TGM2: variants seen among roughly 807,000 people sequenced by gnomAD.
The protein encoded by TGM2 is protein-glutamine gamma-glutamyltransferase 2.
Under a neutral mutation model 75.6 loss-of-function variants are expected in TGM2, and 53 were observed. That is an observed-to-expected ratio of 0.70 (90% confidence interval 0.56 to 0.88). TGM2 has a LOEUF of 0.88. Ranked by LOEUF, TGM2 falls within the 40% of genes least tolerant of loss-of-function variation. The pLI is 0.00. For missense variants in TGM2, 842 were observed against 928.5 expected, an observed-to-expected ratio of 0.91 and a Z score of 1.21; for synonymous variants, 374 against 381.1, an observed-to-expected ratio of 0.98 and a Z score of 0.22.
chr20:38,164,559 G>T (rs191420667), intron 1 of TGM2, among the ~76,000 whole-genome samples: 53 of 152,272 alleles, frequency 3.5e-4, no homozygotes, highest in African/African-American at 1.3e-3. Flanking sequence ...ACAGATGGGT[G>T]GGGGTCTTGG....
Position 38,132,488 on chromosome 20 carries a change from G to T in TGM2, c.1628C>A (p.Pro543His). 1 of 1,614,142 alleles carries T rather than the reference G, an allele frequency of 6.2e-7. No individual in the cohort carries two copies. The highest frequency in any genetic ancestry group is 2.2e-5 in the East Asian group (1 of 44,868). Residue 543 changes from proline to histidine, a missense_variant, in exon 11 of 13, where the codon CCT becomes CAT. Coordinates refer to ENST00000361475, the MANE Select transcript of TGM2 (RefSeq NM_004613.4). Reference protein sequence around the residue: ...NLEPFSEKSVPLCILYEKYRD... With the variant: ...NLEPFSEKSVHLCILYEKYRD... ...GTATTTCTCATAGAGGATGCAAAGA[G>T]GAACGCTCTTCTCTGCAGAAGGGGA... is the stretch of plus-strand genomic sequence containing the variant.
At chr20:38,149,678 C>CA (rs1199376180) in intron 4 of TGM2, among the ~76,000 whole-genome samples, 2,533 of 39,266 alleles carry the variant, frequency 0.065, 131 homozygotes, top group Non-Finnish European at 0.081. Context: ...GACTCCGCCT[C>CA]AAAAAAAAAA....
At chr20:38,161,717 C>T in intron 1 of TGM2, 118 bp from the exon 2 acceptor site, 1 of 1,259,916 alleles carries the variant, frequency 7.9e-7, no homozygotes, top group Non-Finnish European at 1.1e-6. Flanking sequence ...AAAGCACAGC[C>T]ATTGTTTCGA....
intron 3 of TGM2, among the ~76,000 whole-genome samples, chr20:38,154,828 G>A (rs1040954631): frequency 1.3e-5 from 2 of 148,686 alleles, no homozygotes; most frequent in Non-Finnish European, 1.5e-5. Context: ...CACCTCAGCC[G>A]GGCACGGTGG....
chr20:38,146,793 C>T lies in TGM2; in HGVS notation c.783G>A (p.Leu261=). The T allele has an allele frequency of 1.2e-6, 2 of 1,614,000 alleles. No homozygotes were observed. Among genetic ancestry groups the T allele is most frequent in the Non-Finnish European group, 1.7e-6 (2 of 1,180,000 alleles). Residue 261 remains leucine, a synonymous_variant, in exon 6 of 13, where the codon CTG becomes CTA. Transcript: ENST00000361475. ...PMSWIGSVDI[L]RRWKNHGCQR... The stretch of plus-strand genomic sequence containing the variant: ...GGCAGCCGTGGTTCTTCCAGCGCCG[C>T]AGGATGTCCACGCTGCCGATCCAGG...
intron 5 of TGM2, 30 bp from the exon 6 acceptor site, chr20:38,146,924 A>T: frequency 6.2e-7 from 1 of 1,607,036 alleles, no homozygotes; most frequent in Non-Finnish European, 8.5e-7. Flanking sequence ...ACGGGGACTG[A>T]GCCTGGGATG....
In TGM2 at chr20:38,128,604, TTAA is replaced by T. The variant is rs745798021; in HGVS notation, c.*1612_*1614del. On this transcript the variant is annotated 3_prime_UTR_variant, in exon 13 of 13. Transcript: ENST00000361475. ...TGTATAGAGAAAATATACATGTTGA[TTAA>T]TTGTGTGACTCTTTCCTGTGCAAAG... 4 of 152,208 alleles carry T rather than the reference TTAA, an allele frequency of 2.6e-5. No individual in the cohort carries two copies. The highest frequency in any genetic ancestry group is 6.5e-5 in the Admixed American group (1 of 15,284). The allele number at this position is 152,208 out of a possible 1,614,324, so 9.4% of individuals were successfully genotyped here.
Position 38,141,952 on chromosome 20 carries a change from T to C in TGM2, c.995+112A>G, listed in dbSNP as rs2074979861. ...TTCCCCAAGCCTGCTCAAATACTGC[T>C]GAACTTTTAAGGCCCAATTCAAATG... On this transcript the variant is annotated intron_variant, in intron 7 of 12. Transcript: ENST00000361475. 16 of 1,362,940 alleles carry C rather than the reference T, an allele frequency of 1.2e-5. No individual in the cohort carries two copies. In the East Asian group the frequency reaches 3.7e-4, roughly 32 times the overall value. The allele number at this position is 1,362,940 out of a possible 1,614,324, so 84.4% of individuals were successfully genotyped here.
intron 6 of TGM2, among the ~76,000 whole-genome samples, chr20:38,142,465 C>T (rs765369203): frequency 2.0e-5 from 3 of 152,206 alleles, no homozygotes; most frequent in Non-Finnish European, 4.4e-5. Flanking sequence ...ATAATCCCAG[C>T]ACTTTGAGAG....
chr20:38,143,001 C>T (rs1029151830), intron 6 of TGM2, among the ~76,000 whole-genome samples: 3 of 152,244 alleles, frequency 2.0e-5, no homozygotes, highest in Non-Finnish European at 1.5e-5. Flanking sequence ...ATCCTTCATC[C>T]TTCCAGTGTA....
At chr20:38,158,107 G>A (rs1206078926) in intron 2 of TGM2, among the ~76,000 whole-genome samples, 1 of 152,150 alleles carries the variant, frequency 6.6e-6, no homozygotes, top group Non-Finnish European at 1.5e-5. Context: ...CCTGCTCGGA[G>A]GATCAATGAT....
chr20:38,133,518 AAC>A (rs2074861673), intron 10 of TGM2: 1 of 152,770 alleles, frequency 6.5e-6, no homozygotes, highest in African/African-American at 2.4e-5. Context: ...TTCTGAAAAG[AAC>A]ACTGAGGCTG....
intron 11 of TGM2, among the ~76,000 whole-genome samples, chr20:38,131,562 G>C (rs1453188705): frequency 6.6e-6 from 1 of 152,146 alleles, no homozygotes; most frequent in African/African-American, 2.4e-5. Flanking sequence ...GTGACCTGGG[G>C]AAGTTACTCC....
chr20:38,138,598 C>T (rs2074930509), intron 9 of TGM2, among the ~76,000 whole-genome samples: 1 of 150,382 alleles, frequency 6.6e-6, no homozygotes, highest in South Asian at 2.1e-4. Context: ...CCCCAAATGA[C>T]CCCTCCTCCA....
In TGM2 at chr20:38,132,335, C is replaced by T; in HGVS notation, c.1776+5G>A. The T allele has an allele frequency of 6.2e-7, 1 of 1,614,108 alleles. No individual in the cohort carries two copies. The highest frequency in any genetic ancestry group is 8.5e-7 in the Non-Finnish European group (1 of 1,180,006). Reference sequence around the variant, plus strand: ...GACCCTGCCCCTTGCCCAGCCTGCCCTTACCCGGATCTTGATTTCTGGATT... The same window carrying T: ...GACCCTGCCCCTTGCCCAGCCTGCCTTTACCCGGATCTTGATTTCTGGATT... On this transcript the variant is annotated splice_donor_5th_base_variant and intron_variant, in intron 11 of 12. Transcript: ENST00000361475.
At chr20:38,141,924 G>C in intron 7 of TGM2, 140 bp downstream of exon 7, 1 of 998,270 alleles carries the variant, frequency 1.0e-6, no homozygotes. Context: ...TTCCCTCTAG[G>C]CCTTCCCCAA....
chr20:38,148,723 A>G (rs1373134397), intron 4 of TGM2, among the ~76,000 whole-genome samples: 1 of 152,092 alleles, frequency 6.6e-6, no homozygotes, highest in East Asian at 1.9e-4. Context: ...CACTCTGCCC[A>G]GGCTCACTGC....
At chr20:38,151,119 T>A (rs2075111622) in intron 3 of TGM2, 62 bp from the exon 4 acceptor site, 1 of 1,321,128 alleles carries the variant, frequency 7.6e-7, no homozygotes, top group Admixed American at 1.7e-5. Context: ...TCCCTGCAAA[T>A]CTGGAGTCAA....
At chr20:38,132,544 C>T in intron 10 of TGM2, 44 bp from the exon 11 acceptor site, 2 of 1,611,948 alleles carry the variant, frequency 1.2e-6, no homozygotes, top group Non-Finnish European at 8.5e-7. Flanking sequence ...GCAGAATCAC[C>T]CCTCCCAACT....
Sources: allele counts gnomAD v4.1 joint callset (sites outside exome capture counted in the v4.1 genomes callset), GRCh38; gene constraint gnomAD v4.1.1; transcripts MANE v1.5; gene names NCBI Gene and HGNC (gene_info 2026-07-23, HGNC 2026-07-21).